Variants in BABAM1 observed in about 807,000 individuals in gnomAD.
The protein encoded by BABAM1 is BRISC and BRCA1-A complex member 1.
In BABAM1, 14 loss-of-function variants were observed where a neutral mutation model predicts 34.4. The ratio of observed to expected loss-of-function variants is 0.41; its 90% CI spans 0.27 to 0.64. The LOEUF is 0.64. BABAM1 is among the 30% of genes least tolerant of loss of function. The pLI, the probability that BABAM1 is intolerant of heterozygous loss-of-function variation, is 0.34. For synonymous variants in BABAM1, 169 were observed against 165.8 expected (o/e 1.02, Z -0.15); for missense variants, 393 against 434.0 (o/e 0.91, Z 0.84).
intron 8 of BABAM1, 22 bp downstream of exon 8, chr19:17,276,931 G>C (rs1568336372): frequency 1.3e-6 from 2 of 1,572,390 alleles, no homozygotes; most frequent in Non-Finnish European, 1.7e-6. Flanking sequence ...CAGCAGGTGT[G>C]AGTAGCAGGC....
chr19:17,272,251 A>T (rs1447139340), intron 3 of BABAM1, among the ~76,000 whole-genome samples: 1 of 151,852 alleles, frequency 6.6e-6, no homozygotes, highest in East Asian at 2.0e-4. Context: ...ATGTATTTTT[A>T]AAAAATTAGC....
chr19:17,275,527 TG>T (rs1417634971), intron 5 of BABAM1, among the ~76,000 whole-genome samples: 59 of 152,128 alleles, frequency 3.9e-4, no homozygotes, highest in African/African-American at 1.4e-3. Flanking sequence ...TGACCTCAGA[TG>T]GTCCACCCGC....
In BABAM1 at chr19:17,278,997, C is replaced by T. The variant is rs760648310; in HGVS notation, c.939C>T (p.Tyr313=). 6.2e-7 allele frequency: 1 copy of T among 1,612,682 alleles called. No homozygotes were observed. Among genetic ancestry groups the T allele is most frequent in the Admixed American group, 1.7e-5 (1 of 59,868 alleles). Residue 313 remains tyrosine, a synonymous_variant, in exon 9 of 9, where the codon TAC becomes TAT. Transcript: ENST00000598188. ...GGCCTTGCCAGAGCCATGCTTCCTA[C>T]AGCCTGCTGGAGGAGGAGGATGAAG... The part of the protein sequence containing the change: ...LQRPCQSHAS[Y]SLLEEEDEAI...
chr19:17,272,889 G>A (rs189344441), intron 3 of BABAM1, among the ~76,000 whole-genome samples: 16 of 152,122 alleles, frequency 1.1e-4, no homozygotes, highest in Admixed American at 3.3e-4. Flanking sequence ...ACGGTGGTGC[G>A]TGCCTGTAAT....
chr19:17,279,055 C>T lies in BABAM1; in HGVS notation c.*7C>T, dbSNP rs1441731271. 1 of 1,605,502 alleles carries T rather than the reference C, an allele frequency of 6.2e-7. No individual in the cohort carries two copies. The highest frequency in any genetic ancestry group is 8.5e-7 in the Non-Finnish European group (1 of 1,175,136). On this transcript the variant is annotated 3_prime_UTR_variant, in exon 9 of 9. Transcript: ENST00000598188. ...GGTTGAGGCCACTGTCTGAACCATCCCTGTACATCTGCACCTTCTTGTGCA... is the reference window on the plus strand; with the variant it reads ...GGTTGAGGCCACTGTCTGAACCATCTCTGTACATCTGCACCTTCTTGTGCA...
chr19:17,269,177 T>C, intron 2 of BABAM1, 86 bp downstream of exon 2: 1 of 1,407,248 alleles, frequency 7.1e-7, no homozygotes, highest in Non-Finnish European at 9.4e-7. Context: ...AACATTCCCT[T>C]TGTATTCGTT....
intron 5 of BABAM1, 116 bp downstream of exon 5, chr19:17,274,301 G>A (rs762487325): frequency 7.4e-7 from 1 of 1,347,020 alleles, no homozygotes; most frequent in Non-Finnish European, 1.0e-6. Flanking sequence ...TCTCAGATCT[G>A]CCAAGGCTGG....
chr19:17,271,734 T>G, intron 3 of BABAM1, 79 bp downstream of exon 3: 1 of 1,482,348 alleles, frequency 6.7e-7, no homozygotes, highest in Non-Finnish European at 9.3e-7. Flanking sequence ...GCTCTCACTC[T>G]GAAACTCACA....
At chr19:17,276,736 A>G in intron 7 of BABAM1, 87 bp from the exon 8 acceptor site, 3 of 1,554,338 alleles carry the variant, frequency 1.9e-6, no homozygotes, top group Non-Finnish European at 1.7e-6. Context: ...AAGTTCCCAG[A>G]GTCTGAGGCA....
In BABAM1 at chr19:17,278,964, C is replaced by G. The variant is rs1280627058; in HGVS notation, c.906C>G (p.Pro302=). Residue 302 remains proline (P), a synonymous_variant, in exon 9 of 9, where the codon CCC becomes CCG. Coordinates refer to ENST00000598188, the MANE Select transcript of BABAM1 (RefSeq NM_014173.4). ...HNCMAKLLAH[P]LQRPCQSHAS... is the part of the protein sequence containing the mutation. ...GCATGGCGAAACTGTTGGCCCACCC[C>G]CTGCAGCGGCCTTGCCAGAGCCATG... 3 of 1,612,888 alleles carry G rather than the reference C, an allele frequency of 1.9e-6. No homozygotes were observed. The South Asian group carries it at 3.3e-5, about 18-fold the overall frequency.
chr19:17,277,306 A>G (rs889281243), intron 8 of BABAM1: 3 of 169,492 alleles, frequency 1.8e-5, no homozygotes, highest in Non-Finnish European at 2.5e-5. Context: ...GGTTCAAGCA[A>G]TTCTCCTGTG....
chr19:17,277,803 C>T (rs78947372), intron 8 of BABAM1, among the ~76,000 whole-genome samples: 3,455 of 152,100 alleles, frequency 0.023, 137 homozygotes, highest in African/African-American at 0.078. Flanking sequence ...CGCTAGAGCT[C>T]GAAAGGTGGA....
In BABAM1 at chr19:17,269,240, T is replaced by C. The variant is rs2073808771; in HGVS notation, c.285+149T>C. The C allele has an allele frequency of 4.6e-6, 5 of 1,079,926 alleles. No homozygotes were observed. In the East Asian group the frequency reaches 1.3e-4, roughly 29 times the overall value. 66.9% of individuals were successfully genotyped at this position (1,079,926 alleles called of 1,614,324 possible). A position where few individuals can be genotyped will look rare whatever the true frequency, so the allele number is the denominator to read the frequency against. ...ACTTGGTAGCTTTCAACAAGAGAAA[T>C]TTATTCTCTCACAGTTCTTGGGGCC... On this transcript the variant is annotated intron_variant, in intron 2 of 8. Coordinates refer to ENST00000598188, the MANE Select transcript of BABAM1 (RefSeq NM_014173.4).
chr19:17,275,775 A>T lies in BABAM1; in HGVS notation c.545-26A>T, dbSNP rs1245271365. 4.3e-6 allele frequency: 7 copies of T among 1,613,642 alleles called. No homozygotes were observed. Among genetic ancestry groups the T allele is most frequent in the Non-Finnish European group, 5.9e-6 (7 of 1,179,846 alleles). On this transcript the variant is annotated intron_variant, in intron 5 of 8. Coordinates refer to ENST00000598188, the MANE Select transcript of BABAM1 (RefSeq NM_014173.4). ...GTTTCCCGCTCACTCGTGCTCTACTAGCCTTCTCCTTAGCACCCCCACCAG... is the reference window on the plus strand; with the variant it reads ...GTTTCCCGCTCACTCGTGCTCTACTTGCCTTCTCCTTAGCACCCCCACCAG...
chr19:17,276,422 G>T (rs760230245), intron 6 of BABAM1, 73 bp from the exon 7 acceptor site: 13 of 1,549,010 alleles, frequency 8.4e-6, no homozygotes, highest in Admixed American at 2.0e-5. Flanking sequence ...AGCATCTGGG[G>T]TCTCTCTCAG....
At chr19:17,269,487 A>T (rs1417722175) in intron 2 of BABAM1, among the ~76,000 whole-genome samples, 1 of 148,852 alleles carries the variant, frequency 6.7e-6, no homozygotes, top group Non-Finnish European at 1.5e-5. Flanking sequence ...AGCAGCTGGG[A>T]TTACAAGTGC....
chr19:17,272,778 G>A (rs1438923703), intron 3 of BABAM1, among the ~76,000 whole-genome samples: 1 of 152,012 alleles, frequency 6.6e-6, no homozygotes, highest in Non-Finnish European at 1.5e-5. Context: ...CATTACTTTG[G>A]GAGGCCAAGG....
intron 5 of BABAM1, chr19:17,274,404 C>T (rs1439833820): frequency 1.7e-6 from 1 of 591,766 alleles, no homozygotes; most frequent in Non-Finnish European, 3.0e-6. Flanking sequence ...AATACAGAAG[C>T]AAAAGTACCT....
chr19:17,268,300 C>T (rs900219796), intron 1 of BABAM1, among the ~76,000 whole-genome samples: 6 of 151,662 alleles, frequency 4.0e-5, no homozygotes, highest in Non-Finnish European at 8.8e-5. Context: ...TATCTTATGT[C>T]GGAGTGGCTG....
Sources: allele counts gnomAD v4.1 joint callset (sites outside exome capture counted in the v4.1 genomes callset), GRCh38; gene constraint gnomAD v4.1.1; transcripts MANE v1.5; gene names NCBI Gene and HGNC (gene_info 2026-07-23, HGNC 2026-07-21).